SOX5: variants seen among roughly 807,000 people sequenced by gnomAD.
SOX5 encodes the protein transcription factor SOX-5.
Under a neutral mutation model 92.0 loss-of-function variants are expected in SOX5, and 9 were observed. That is an observed-to-expected ratio of 0.10 (90% confidence interval 0.06 to 0.17). The LOEUF is 0.17. Ranked by LOEUF, SOX5 falls within the 10% of genes least tolerant of loss-of-function variation. The probability of loss-of-function intolerance (pLI) is 1.00; values close to 1 mark genes in which losing one functional copy is unlikely to be tolerated. For missense variants in SOX5, 642 were observed against 944.5 expected, an observed-to-expected ratio of 0.68 and a Z score of 4.20; for synonymous variants, 344 against 336.3, an observed-to-expected ratio of 1.02 and a Z score of -0.25.
chr12:24,419,496 A>G (rs1223689365), intron 1 of SOX5, among the ~76,000 whole-genome samples: 1 of 152,116 alleles, frequency 6.6e-6, no homozygotes, highest in Non-Finnish European at 1.5e-5. Context: ...TGAGAGATGA[A>G]GTCTAGACTC....
At chr12:24,489,762 C>A (rs976432386) in intron 1 of SOX5, among the ~76,000 whole-genome samples, 12 of 152,288 alleles carry the variant, frequency 7.9e-5, no homozygotes, top group African/African-American at 2.9e-4. Context: ...CATCCCAAGG[C>A]AGGGCAGCAG....
rs2074968331 is a variant in SOX5 at position 23,604,370 on chromosome 12, C to T, written c.1164+17G>A. The T allele has an allele frequency of 1.2e-6, 2 of 1,612,912 alleles. No individual in the cohort carries two copies. Among genetic ancestry groups the T allele is most frequent in the Non-Finnish European group, 1.7e-6 (2 of 1,179,296 alleles). On this transcript the variant is annotated intron_variant, in intron 9 of 14. Transcript: ENST00000451604. ...ATAAAGCTAAGTGGCAAGACAGTGG[C>T]TTCTTCAAAAGGGTACCTTGCTTTT...
chr12:23,791,895 G>A (rs1442586808), intron 3 of SOX5, among the ~76,000 whole-genome samples: 1 of 151,474 alleles, frequency 6.6e-6, no homozygotes, highest in East Asian at 2.0e-4. Flanking sequence ...TTTGAAATAG[G>A]TATCACTTTT....
chr12:23,741,079 A>G (rs766079733), intron 4 of SOX5, 40 bp from the exon 5 acceptor site: 1 of 1,475,226 alleles, frequency 6.8e-7, no homozygotes, highest in South Asian at 1.3e-5. Context: ...AAATAAATGA[A>G]AAAAAGTAAT....
chr12:23,934,386 A>G (rs1317935964), intron 1 of SOX5, among the ~76,000 whole-genome samples: 1 of 150,348 alleles, frequency 6.7e-6, no homozygotes, highest in Non-Finnish European at 1.5e-5. Flanking sequence ...AATTTTATAT[A>G]TTATACATAT....
At chr12:24,215,833 C>A (rs1388990787) in intron 3 of SOX5, among the ~76,000 whole-genome samples, 1 of 151,260 alleles carries the variant, frequency 6.6e-6, no homozygotes, top group South Asian at 2.1e-4. Flanking sequence ...GGGGATGTAT[C>A]CTTCCCAACT....
At chr12:24,470,775 T>C (rs1030564269) in intron 1 of SOX5, among the ~76,000 whole-genome samples, 10 of 152,192 alleles carry the variant, frequency 6.6e-5, no homozygotes, top group African/African-American at 1.9e-4. Flanking sequence ...TTTAGCAAGA[T>C]AGCTAACCTT....
chr12:24,061,185 C>T (rs190377113), intron 4 of SOX5, among the ~76,000 whole-genome samples: 4 of 151,720 alleles, frequency 2.6e-5, no homozygotes, highest in South Asian at 2.1e-4. Context: ...TAAAAAAGGA[C>T]GAAGAGAAGA....
At chr12:24,069,579 G>GT (rs1220220116) in intron 4 of SOX5, among the ~76,000 whole-genome samples, 3 of 152,194 alleles carry the variant, frequency 2.0e-5, no homozygotes, top group African/African-American at 7.2e-5. Context: ...ACAGATCAGT[G>GT]TATCTGCACA....
rs16927001 is a variant in SOX5 at position 24,028,962 on chromosome 12, G to C, written c.-1-132938C>G. On this transcript the variant is annotated intron_variant, in intron 4 of 4. Coordinates refer to the SOX5 transcript ENST00000446891. ...GATTTAAGTCAACAAATAAGTTGGC[G>C]CTGCTTAGAAGCAAAACCAATTACA... Among the ~76,000 whole-genome samples, 650 of 152,066 alleles carry C rather than the reference G, an allele frequency of 4.3e-3. 5 individuals carry two copies. The highest frequency in any genetic ancestry group is 0.015 in the African/African-American group (623 of 41,528).
At chr12:24,403,787 A>G (rs139800260) in intron 1 of SOX5, among the ~76,000 whole-genome samples, 240 of 152,350 alleles carry the variant, frequency 1.6e-3, no homozygotes, top group African/African-American at 5.6e-3. Flanking sequence ...ATTTCTCAAT[A>G]CGCATATTTC....
At chr12:24,306,726 A>T (rs1291826759) in intron 2 of SOX5, among the ~76,000 whole-genome samples, 1 of 152,142 alleles carries the variant, frequency 6.6e-6, no homozygotes, top group African/African-American at 2.4e-5. Flanking sequence ...GGGCAAAAAC[A>T]TCCTTTTGGA....
intron 3 of SOX5, among the ~76,000 whole-genome samples, chr12:24,221,417 T>A (rs1490174704): frequency 2.0e-5 from 3 of 152,214 alleles, no homozygotes; most frequent in Non-Finnish European, 4.4e-5. Flanking sequence ...AATAAGAGTT[T>A]AATAAATACT....
intron 3 of SOX5, among the ~76,000 whole-genome samples, chr12:23,843,477 TA>T (rs949786692): frequency 6.7e-6 from 1 of 148,884 alleles, no homozygotes; most frequent in Non-Finnish European, 1.5e-5. Flanking sequence ...AAACTGTTTT[TA>T]AAAAAAATAA....
chr12:24,398,818 C>G (rs1960741875), intron 1 of SOX5, among the ~76,000 whole-genome samples: 1 of 152,030 alleles, frequency 6.6e-6, no homozygotes, highest in East Asian at 1.9e-4. Context: ...CCGTGTATTT[C>G]AAACCTAGTT....
chr12:23,963,779 A>AAAC (rs1176773623), intron 4 of SOX5, among the ~76,000 whole-genome samples: 1 of 151,622 alleles, frequency 6.6e-6, no homozygotes, highest in Non-Finnish European at 1.5e-5. Flanking sequence ...AAAAAAAAAA[A>AAAC]AAAACTGGAA....
intron 9 of SOX5, chr12:23,582,156 C>T (rs1428031881): frequency 4.1e-6 from 4 of 985,148 alleles, no homozygotes; most frequent in Non-Finnish European, 4.8e-6. Flanking sequence ...ACTGTTGCCG[C>T]ACCTCTTCCC....
chr12:24,101,648 A>G (rs1448841820), intron 4 of SOX5, among the ~76,000 whole-genome samples: 1 of 152,150 alleles, frequency 6.6e-6, no homozygotes, highest in East Asian at 1.9e-4. Context: ...AGAAAAAATA[A>G]GAGAAATACC....
intron 1 of SOX5, among the ~76,000 whole-genome samples, chr12:24,419,758 A>G (rs1330251249): frequency 6.6e-6 from 1 of 152,254 alleles, no homozygotes; most frequent in Non-Finnish European, 1.5e-5. Flanking sequence ...TCTAGAATGT[A>G]TATGACAACT....
Sources: gnomAD v4.1 joint callset for allele counts (sites outside exome capture counted in the v4.1 genomes callset) on GRCh38, gnomAD v4.1.1 for gene constraint, MANE v1.5 for transcripts, NCBI Gene and HGNC (gene_info 2026-07-23, HGNC 2026-07-21) for gene names.